NTSR1: variants seen among roughly 807,000 people sequenced by gnomAD.
The protein encoded by NTSR1 is neurotensin receptor type 1.
Under a neutral mutation model 31.2 loss-of-function variants are expected in NTSR1, and 29 were observed. That is an observed-to-expected ratio of 0.93 (90% confidence interval 0.69 to 1.27). NTSR1 has a LOEUF of 1.27. Among genes scored for constraint, NTSR1 ranks in the 50% most tolerant of loss-of-function variants. NTSR1 has a pLI of 0.00. For synonymous variants in NTSR1, 282 were observed against 269.9 expected, an observed-to-expected ratio of 1.04 and a Z score of -0.44; for missense variants, 697 against 595.4, an observed-to-expected ratio of 1.17 and a Z score of -1.78.
rs140405639 is a variant in NTSR1, at chr20:62,758,309, C to T, written c.960C>T (p.His320=). 82 of 1,613,654 alleles carry T rather than the reference C, an allele frequency of 5.1e-5. No individual in the cohort carries two copies. The highest frequency in any genetic ancestry group is 9.3e-5 in the African/African-American group (7 of 74,900). Reference sequence around the variant, plus strand: ...TTGTGGTCTGCTGGCTGCCCTACCACGTGCGGCGCCTCATGTTCTGCTACA... The same window carrying T: ...TTGTGGTCTGCTGGCTGCCCTACCATGTGCGGCGCCTCATGTTCTGCTACA... The part of the protein sequence containing the change: ...IAFVVCWLPY[H]VRRLMFCYIS... Residue 320 remains histidine, a synonymous_variant, in exon 3 of 4, where the codon CAC becomes CAT. Transcript: ENST00000370501. This position sits in a 1 kb window ranked among gnomAD's most constrained non-coding sequence, Gnocchi z 4.5.
At chr20:62,728,479 C>T (rs1427551390) in intron 1 of NTSR1, among the ~76,000 whole-genome samples, 3 of 152,264 alleles carry the variant, frequency 2.0e-5, no homozygotes, top group Admixed American at 6.5e-5. Context: ...GCTTCATTCC[C>T]GGGGATTTTT....
rs747124827 is a variant in NTSR1 at position 62,745,587 on chromosome 20, G to A, written c.715-9098G>A. Among the ~76,000 whole-genome samples, 1 of 151,900 alleles carries A rather than the reference G, an allele frequency of 6.6e-6. No homozygotes were observed. Among genetic ancestry groups the A allele is most frequent in the Non-Finnish European group, 1.5e-5 (1 of 67,986 alleles). ...ACACAACAGAGACAGACACAGGAAG[G>A]AAAACATACAAGGAGACAGAGACAC... On this transcript the variant is annotated intron_variant, in intron 1 of 3. Transcript: ENST00000370501. This position sits in a 1 kb window ranked among gnomAD's most constrained non-coding sequence, Gnocchi z 4.1.
intron 1 of NTSR1, among the ~76,000 whole-genome samples, chr20:62,734,025 C>G (rs1464391032): frequency 6.6e-6 from 1 of 152,208 alleles, no homozygotes; most frequent in East Asian, 1.9e-4. Context: ...GATGAGGAGC[C>G]TGAGGCTGGG....
intron 1 of NTSR1, among the ~76,000 whole-genome samples, chr20:62,754,376 C>T (rs1375358965): frequency 6.6e-6 from 1 of 152,186 alleles, no homozygotes; most frequent in Non-Finnish European, 1.5e-5. Flanking sequence ...CTGGGACACC[C>T]CAGTGGTTGT....
chr20:62,760,377 C>T lies in NTSR1; in HGVS notation c.*110C>T. On this transcript the variant is annotated 3_prime_UTR_variant, in exon 4 of 4. Coordinates refer to ENST00000370501, the MANE Select transcript of NTSR1 (RefSeq NM_002531.3). ...TTGATGGGGGTCAGGCAGAGGCCAG[C>T]CTGCACTGGAGTCTGAGGCCTGGGA... 2 of 1,267,690 alleles carry T rather than the reference C, an allele frequency of 1.6e-6. No homozygotes were observed. The highest frequency in any genetic ancestry group is 1.1e-6 in the Non-Finnish European group (1 of 933,626). 78.5% of individuals were successfully genotyped at this position (1,267,690 alleles called of 1,614,324 possible). A position where few individuals can be genotyped will look rare whatever the true frequency, so the allele number is the denominator to read the frequency against.
chr20:62,735,586 G>A (rs900445759), intron 1 of NTSR1, among the ~76,000 whole-genome samples: 13 of 152,328 alleles, frequency 8.5e-5, no homozygotes, highest in African/African-American at 2.9e-4. Flanking sequence ...TTCTGTGGGC[G>A]GGGATGATTC....
intron 1 of NTSR1, among the ~76,000 whole-genome samples, chr20:62,750,081 A>C (rs989841163): frequency 6.6e-5 from 10 of 152,208 alleles, no homozygotes; most frequent in African/African-American, 2.4e-4. Context: ...GGATCGAGAG[A>C]GCGTGGTGCA....
In NTSR1 at chr20:62,709,751, C is replaced by G; in HGVS notation, c.544C>G (p.Arg182Gly). Reference sequence around the variant, plus strand: ...CTTCAAGGCCAAGACCCTCATGTCCCGAAGCCGCACCAAGAAGTTCATCAG... The same window carrying G: ...CTTCAAGGCCAAGACCCTCATGTCCGGAAGCCGCACCAAGAAGTTCATCAG... Reference protein sequence around the residue: ...HPFKAKTLMSRSRTKKFISAI... With the variant: ...HPFKAKTLMSGSRTKKFISAI... Residue 182 changes from arginine to glycine, a missense_variant, in exon 1 of 4, where the codon CGA becomes GGA. Coordinates refer to ENST00000370501, the MANE Select transcript of NTSR1 (RefSeq NM_002531.3). The G allele has an allele frequency of 6.2e-7, 1 of 1,613,026 alleles. No individual in the cohort carries two copies. Among genetic ancestry groups the G allele is most frequent in the Non-Finnish European group, 8.5e-7 (1 of 1,179,918 alleles).
intron 1 of NTSR1, among the ~76,000 whole-genome samples, chr20:62,725,413 T>C (rs569658057): frequency 1.3e-5 from 2 of 151,982 alleles, no homozygotes; most frequent in Admixed American, 1.3e-4. Flanking sequence ...GGGAGGCGAG[T>C]GGGCTCGGGG....
At chr20:62,736,998 A>G (rs981300783) in intron 1 of NTSR1, among the ~76,000 whole-genome samples, 8 of 152,170 alleles carry the variant, frequency 5.3e-5, no homozygotes, top group African/African-American at 1.9e-4. Context: ...TCCCTCCACC[A>G]TGATTGTAGG....
chr20:62,755,867 C>T (rs201256641), intron 2 of NTSR1, among the ~76,000 whole-genome samples: 540 of 26,266 alleles, frequency 0.021, no homozygotes, highest in Middle Eastern at 0.077. Flanking sequence ...CCTCCCTCCA[C>T]CCATCATCCC....
chr20:62,729,037 C>T (rs2147137736), intron 1 of NTSR1, among the ~76,000 whole-genome samples: 1 of 152,362 alleles, frequency 6.6e-6, no homozygotes, highest in East Asian at 1.9e-4. Flanking sequence ...GATGTCCAGT[C>T]CTCGGTCTGT....
chr20:62,750,011 C>A (rs1427106724), intron 1 of NTSR1, among the ~76,000 whole-genome samples: 1 of 152,158 alleles, frequency 6.6e-6, no homozygotes, highest in Non-Finnish European at 1.5e-5. Flanking sequence ...CTGTCCGCTG[C>A]GGCACTGTTC....
chr20:62,736,052 G>A (rs1243762435), intron 1 of NTSR1, among the ~76,000 whole-genome samples: 1 of 152,252 alleles, frequency 6.6e-6, no homozygotes, highest in Non-Finnish European at 1.5e-5. Flanking sequence ...TCCCTCGATA[G>A]AAATCAGTAT....
Position 62,758,172 on chromosome 20 carries a change from C to T in NTSR1, c.917-94C>T. 7.1e-7 allele frequency: 1 copy of T among 1,417,864 alleles called. No individual in the cohort carries two copies. Among genetic ancestry groups the T allele is most frequent in the Non-Finnish European group, 9.7e-7 (1 of 1,027,738 alleles). The allele number at this position is 1,417,864 out of a possible 1,614,324, so 87.8% of individuals were successfully genotyped here. On this transcript the variant is annotated intron_variant, in intron 2 of 3. Coordinates refer to ENST00000370501, the MANE Select transcript of NTSR1 (RefSeq NM_002531.3). The surrounding 1 kb of genome is among the most constrained non-coding windows in gnomAD (Gnocchi z 4.5). The stretch of plus-strand genomic sequence containing the variant: ...CTCAGGTGCAGTGGGTCTCTGAGCC[C>T]ACATCTGTGTGCCTCAGGTGCAGTG...
chr20:62,725,905 G>A (rs1392237270), intron 1 of NTSR1, among the ~76,000 whole-genome samples: 1 of 152,130 alleles, frequency 6.6e-6, no homozygotes, highest in Admixed American at 6.5e-5. Context: ...GTGGAAAGGT[G>A]GCCGGCCCTG....
chr20:62,709,962 A>C, intron 1 of NTSR1, 41 bp downstream of exon 1: 1 of 1,454,752 alleles, frequency 6.9e-7, no homozygotes, highest in Non-Finnish European at 9.3e-7. Context: ...CCTCTCCTTC[A>C]CCCCAAAAGC....
At chr20:62,753,385 T>C (rs990849414) in intron 1 of NTSR1, among the ~76,000 whole-genome samples, 2 of 152,206 alleles carry the variant, frequency 1.3e-5, no homozygotes, top group African/African-American at 4.8e-5. Context: ...GTTGAGGCCA[T>C]GTGGCTCTGC....
chr20:62,712,870 C>G (rs1988643361), intron 1 of NTSR1, among the ~76,000 whole-genome samples: 2 of 152,222 alleles, frequency 1.3e-5, no homozygotes, highest in African/African-American at 4.8e-5. Flanking sequence ...ATCTGTGTGG[C>G]AGGGCTCAGG....
Sources: allele counts gnomAD v4.1 joint callset (sites outside exome capture counted in the v4.1 genomes callset), GRCh38; gene constraint gnomAD v4.1.1; non-coding constraint Gnocchi (gnomAD v3.1); transcripts MANE v1.5; gene names NCBI Gene and HGNC (gene_info 2026-07-23, HGNC 2026-07-21).